UBE2L3: variants seen among roughly 807,000 people sequenced by gnomAD.
The protein encoded by UBE2L3 is ubiquitin conjugating enzyme E2 L3.
Under a neutral mutation model 17.8 loss-of-function variants are expected in UBE2L3, and 1 was observed. The ratio of observed to expected loss-of-function variants is 0.06; its 90% CI spans 0.02 to 0.27. UBE2L3 has a LOEUF of 0.27. Ranked by LOEUF, UBE2L3 falls within the 10% of genes least tolerant of loss-of-function variation. The probability of loss-of-function intolerance (pLI) is 1.00; values close to 1 mark genes in which losing one functional copy is unlikely to be tolerated. For synonymous variants in UBE2L3, 44 were observed against 68.5 expected (o/e 0.64, Z 1.76); for missense variants, 40 against 192.6 (o/e 0.21, Z 4.69).
chr22:21,572,231 G>C (rs1035134870), intron 1 of UBE2L3, among the ~76,000 whole-genome samples: 3 of 151,916 alleles, frequency 2.0e-5, no homozygotes, highest in East Asian at 1.9e-4. Flanking sequence ...TCAGGAGTTC[G>C]AGACCAGCCT....
At chr22:21,606,355 T>G (rs1300202380) in intron 2 of UBE2L3, among the ~76,000 whole-genome samples, 1 of 138,542 alleles carries the variant, frequency 7.2e-6, no homozygotes, top group Non-Finnish European at 1.6e-5. Flanking sequence ...TGTCTTACTC[T>G]GTTGCCCAGG....
chr22:21,594,483 TTTC>T (rs1480595106), intron 2 of UBE2L3, among the ~76,000 whole-genome samples: 27 of 151,986 alleles, frequency 1.8e-4, no homozygotes, highest in African/African-American at 6.3e-4. Flanking sequence ...CTGTAGATGC[TTTC>T]TTCTTGATGC....
At chr22:21,600,561 T>G (rs1928801434) in intron 2 of UBE2L3, among the ~76,000 whole-genome samples, 1 of 151,884 alleles carries the variant, frequency 6.6e-6, no homozygotes. Flanking sequence ...CCGGGCGTGG[T>G]GGCAGGCATC....
chr22:21,600,423 C>T (rs1471255299), intron 2 of UBE2L3, among the ~76,000 whole-genome samples: 1 of 152,018 alleles, frequency 6.6e-6, no homozygotes, highest in African/African-American at 2.4e-5. Flanking sequence ...CGGCCGGGTG[C>T]AGTGGCTCAT....
chr22:21,564,502 G>T (rs1171615531), upstream of UBE2L3, among the ~76,000 whole-genome samples: 3 of 152,182 alleles, frequency 2.0e-5, no homozygotes, highest in East Asian at 1.9e-4. Flanking sequence ...CTTCCACTGG[G>T]ACTGGGTACA....
At position 21,595,115 on chromosome 22, in the gene UBE2L3, A is replaced by G. The variant is rs578228376; in HGVS notation, c.123+2159A>G. 4.9e-3 allele frequency among the ~76,000 whole-genome samples: 750 copies of G among 152,332 alleles called. 7 individuals are homozygous for G. Among genetic ancestry groups the G allele is most frequent in the African/African-American group, 0.017 (718 of 41,580 alleles). ...AGGGCAAAGGTGGAGGCTGGCTGGT[A>G]GAATCCAAGTGTGCTTGGGCTGAGG... is the stretch of plus-strand genomic sequence containing the variant. On this transcript the variant is annotated intron_variant, in intron 2 of 3. Coordinates refer to ENST00000342192, the MANE Select transcript of UBE2L3 (RefSeq NM_003347.4).
At chr22:21,598,846 A>C in intron 2 of UBE2L3, among the ~76,000 whole-genome samples, 1 of 130,754 alleles carries the variant, frequency 7.6e-6, no homozygotes, top group Non-Finnish European at 1.6e-5. Flanking sequence ...GCCTAGTTCC[A>C]TTTCTTTTTT....
intron 2 of UBE2L3, among the ~76,000 whole-genome samples, chr22:21,596,665 T>C (rs764790847): frequency 1.3e-5 from 2 of 152,012 alleles, no homozygotes; most frequent in Non-Finnish European, 2.9e-5. Context: ...TTTTGTACTT[T>C]TAGTAGAGAC....
rs1491191052 is a variant in UBE2L3, at chr22:21,562,669, GCT to G, written c.201+13020_201+13021del. On this transcript the variant is annotated intron_variant, in intron 1 of 3. Coordinates refer to the UBE2L3 transcript ENST00000458578. ...TACAGGCGTGAGCCACCACGCCTGGGCTTTTTTTTTTTTTTTTTTTTGTATTT... is the reference window on the plus strand; with the variant it reads ...TACAGGCGTGAGCCACCACGCCTGGGTTTTTTTTTTTTTTTTTTTGTATTT... Among the ~76,000 whole-genome samples the G allele has an allele frequency of 5.3e-5, 7 of 130,910 alleles. No homozygotes were observed. The South Asian group carries it at 1.6e-3, about 29-fold the overall frequency. 85.9% of individuals were successfully genotyped at this position (130,910 alleles called of 152,430 possible).
chr22:21,613,703 A>C (rs1264571785), intron 3 of UBE2L3, among the ~76,000 whole-genome samples: 1 of 152,198 alleles, frequency 6.6e-6, no homozygotes, highest in African/African-American at 2.4e-5. Flanking sequence ...GCTTAGCTAC[A>C]TGGTTCTACA....
At chr22:21,614,791 C>A in intron 3 of UBE2L3, 1 of 252,180 alleles carries the variant, frequency 4.0e-6, no homozygotes, top group Non-Finnish European at 6.3e-6. Flanking sequence ...CACAGATGTT[C>A]ATAGCACCAT....
chr22:21,592,771 C>T, intron 1 of UBE2L3, 90 bp from the exon 2 acceptor site: 1 of 1,034,964 alleles, frequency 9.7e-7, no homozygotes, highest in Admixed American at 1.9e-5. Flanking sequence ...GCATTTTTGG[C>T]ACTTGGTTTA....
At chr22:21,610,782 C>A in intron 2 of UBE2L3, 75 bp from the exon 3 acceptor site, 1 of 1,401,214 alleles carries the variant, frequency 7.1e-7, no homozygotes, top group Non-Finnish European at 9.5e-7. Flanking sequence ...TTCAGATAAA[C>A]AATTAAAACA....
chr22:21,607,682 G>A (rs186174135), intron 2 of UBE2L3, among the ~76,000 whole-genome samples: 206 of 152,218 alleles, frequency 1.4e-3, no homozygotes, highest in Non-Finnish European at 2.1e-3. Flanking sequence ...TTGGGGAGAG[G>A]CCAAAAGACT....
At chr22:21,620,135 A>C (rs1929975909) in intron 3 of UBE2L3, among the ~76,000 whole-genome samples, 1 of 152,018 alleles carries the variant, frequency 6.6e-6, no homozygotes, top group East Asian at 1.9e-4. Context: ...CTCTACAAAA[A>C]ACTAGGCCAG....
intron 1 of UBE2L3, among the ~76,000 whole-genome samples, chr22:21,588,086 C>G (rs150899389): frequency 9.2e-5 from 14 of 152,270 alleles, no homozygotes; most frequent in African/African-American, 3.1e-4. Flanking sequence ...CACCATCAGC[C>G]CTGAGCAGCT....
Position 21,553,015 on chromosome 22 carries a change from C to A in UBE2L3, c.201+3365C>A, listed in dbSNP as rs1380696108. The stretch of plus-strand genomic sequence containing the variant: ...TGCTGGGATTACAGGCGTGAGCCAC[C>A]GCGCATGGCCCTTTATTTTATTTTA... On this transcript the variant is annotated intron_variant, in intron 1 of 3. Transcript: ENST00000458578. Among the ~76,000 whole-genome samples the A allele has an allele frequency of 5.0e-5, 2 of 40,218 alleles. 1 individual carries two copies. 26.4% of individuals were successfully genotyped at this position (40,218 alleles called of 152,430 possible).
At chr22:21,583,723 G>A (rs749571566) in intron 1 of UBE2L3, among the ~76,000 whole-genome samples, 3 of 152,158 alleles carry the variant, frequency 2.0e-5, no homozygotes, top group South Asian at 2.1e-4. Context: ...CTGCTGCCCC[G>A]AGTCAGGGGG....
chr22:21,563,766 G>A (rs1171823839), upstream of UBE2L3, among the ~76,000 whole-genome samples: 4 of 150,780 alleles, frequency 2.7e-5, no homozygotes, highest in Admixed American at 6.6e-5. Flanking sequence ...TAGTAGAGAC[G>A]GCATTTCACT....
Sources: gnomAD v4.1 joint callset for allele counts (sites outside exome capture counted in the v4.1 genomes callset) on GRCh38, gnomAD v4.1.1 for gene constraint, MANE v1.5 for transcripts, NCBI Gene and HGNC (gene_info 2026-07-23, HGNC 2026-07-21) for gene names.